The following SCN9A variants were observed in gnomAD, a reference collection of about 807,000 sequenced individuals.
SCN9A encodes sodium channel protein type 9 subunit alpha.
A neutral mutation model predicts 187.0 loss-of-function variants in SCN9A; 131 were observed. The ratio of observed to expected loss-of-function variants is 0.70; its 90% confidence interval spans 0.61 to 0.81. The LOEUF (loss-of-function observed/expected upper bound fraction) is 0.81. Ranked by LOEUF, SCN9A falls within the 30% of genes least tolerant of loss-of-function variation. The pLI is 0.00. For synonymous variants in SCN9A, 809 were observed against 808.6 expected (o/e 1.00, Z -0.01); for missense variants, 2,252 against 2,396.6 (o/e 0.94, Z 1.26).
At chr2:166,209,022 G>A (rs1016912455) in intron 24 of SCN9A, among the ~76,000 whole-genome samples, 3 of 152,156 alleles carry the variant, frequency 2.0e-5, no homozygotes, top group African/African-American at 7.2e-5. Context: ...GCCTCATATG[G>A]AGCACTGAAA....
chr2:166,234,087 A>G (rs541914073), intron 20 of SCN9A, among the ~76,000 whole-genome samples: 5 of 152,174 alleles, frequency 3.3e-5, no homozygotes, highest in African/African-American at 1.2e-4. Context: ...CACAATCAAT[A>G]TAGATATAAT....
At position 166,274,702 on chromosome 2, in the gene SCN9A, GAGTT is replaced by G. The variant is rs200104211; in HGVS notation, c.2875-1831_2875-1828del. Among the ~76,000 whole-genome samples, 1,363 of 152,202 alleles carry G rather than the reference GAGTT, an allele frequency of 9.0e-3. 13 individuals are homozygous for G. The highest frequency in any genetic ancestry group is 0.012 in the Non-Finnish European group (801 of 67,998). On this transcript the variant is annotated intron_variant, in intron 16 of 26. Transcript: ENST00000642356. Reference sequence around the variant, plus strand: ...ATTAATAATTAAAGAATAATAATATGAGTTAGTTAACACTAATTCTACACGAATG... The same window carrying G: ...ATTAATAATTAAAGAATAATAATATGAGTTAACACTAATTCTACACGAATG...
intron 17 of SCN9A, among the ~76,000 whole-genome samples, chr2:166,270,649 G>A (rs117027482): frequency 6.6e-6 from 1 of 151,128 alleles, no homozygotes; most frequent in South Asian, 2.1e-4. Context: ...TTTTGAGACA[G>A]AGTCTCACTC....
intron 1 of SCN9A, among the ~76,000 whole-genome samples, chr2:166,336,514 G>A (rs1486421675): frequency 1.3e-5 from 2 of 152,064 alleles, no homozygotes; most frequent in Admixed American, 1.3e-4. Flanking sequence ...AGTTCCTATA[G>A]GAATGCCCCC....
At chr2:166,299,912 G>T (rs970254786) in intron 7 of SCN9A, among the ~76,000 whole-genome samples, 3 of 150,868 alleles carry the variant, frequency 2.0e-5, no homozygotes, top group Non-Finnish European at 2.9e-5. Flanking sequence ...ATTGCAGCCA[G>T]AAACTGAGAA....
chr2:166,223,539 CAG>C (rs1480042270), intron 24 of SCN9A, among the ~76,000 whole-genome samples: 2 of 152,140 alleles, frequency 1.3e-5, no homozygotes, highest in Non-Finnish European at 2.9e-5. Context: ...CTCATGGAAA[CAG>C]AGAGAAGAAT....
chr2:166,372,492 T>G (rs1355949809), intron 1 of SCN9A, among the ~76,000 whole-genome samples: 1 of 152,214 alleles, frequency 6.6e-6, no homozygotes, highest in African/African-American at 2.4e-5. Flanking sequence ...CATTTTAGAT[T>G]TGGAGTCACT....
chr2:166,344,320 T>C (rs1242146295), intron 1 of SCN9A, among the ~76,000 whole-genome samples: 3 of 152,198 alleles, frequency 2.0e-5, no homozygotes, highest in Non-Finnish European at 4.4e-5. Context: ...TTATTATCTA[T>C]TATTTCATTT....
At position 166,272,390 on chromosome 2, in the gene SCN9A, C is replaced by T. The variant is rs766639308; in HGVS notation, c.3351+9G>A. 16 of 1,481,076 alleles carry T rather than the reference C, an allele frequency of 1.1e-5. 1 individual carries two copies. In the South Asian group the frequency reaches 2.1e-4, roughly 19 times the overall value. 91.7% of individuals were successfully genotyped at this position (1,481,076 alleles called of 1,614,324 possible). On this transcript the variant is annotated intron_variant, in intron 17 of 26. Transcript: ENST00000642356. The stretch of plus-strand genomic sequence containing the variant: ...AATATGAAACACAAAGTATATGAAG[C>T]ATTCTTACCACTTTGCTGTATTCAC...
At chr2:166,344,481 A>T (rs1384863767) in intron 1 of SCN9A, among the ~76,000 whole-genome samples, 1 of 152,170 alleles carries the variant, frequency 6.6e-6, no homozygotes, top group Non-Finnish European at 1.5e-5. Context: ...TTCGCTTAGA[A>T]AATAGTCCTT....
At chr2:166,358,034 T>TTTTATTTA (rs371958712) in intron 1 of SCN9A, among the ~76,000 whole-genome samples, 1,530 of 140,968 alleles carry the variant, frequency 0.011, 22 homozygotes, top group Middle Eastern at 0.021. Context: ...GGAATAAAAC[T>TTTTATTTA]TTTATTTATT....
At chr2:166,286,654 G>A (rs978957929) in intron 10 of SCN9A, 31 bp from the exon 11 acceptor site, 1 of 1,472,290 alleles carries the variant, frequency 6.8e-7, no homozygotes. Context: ...ACACTTAAAT[G>A]AGTCATTTCC....
chr2:166,248,641 A>G (rs1371044489), intron 18 of SCN9A, among the ~76,000 whole-genome samples: 1 of 152,018 alleles, frequency 6.6e-6, no homozygotes, highest in Non-Finnish European at 1.5e-5. Context: ...TCTGATCTAC[A>G]CTTTTTAAAA....
intron 24 of SCN9A, among the ~76,000 whole-genome samples, chr2:166,214,997 A>G (rs890694353): frequency 6.6e-6 from 1 of 152,196 alleles, no homozygotes. Context: ...AACAAAATAC[A>G]TATTCTTCTC....
At chr2:166,349,017 C>A (rs188365371) in intron 1 of SCN9A, among the ~76,000 whole-genome samples, 1 of 146,074 alleles carries the variant, frequency 6.8e-6, no homozygotes, top group Admixed American at 6.9e-5. Flanking sequence ...AATCCCGGCT[C>A]CTCGGAAGGC....
intron 17 of SCN9A, among the ~76,000 whole-genome samples, chr2:166,271,918 T>C (rs73021692): frequency 0.023 from 3,469 of 152,016 alleles, 132 homozygotes; most frequent in African/African-American, 0.079. Context: ...CATGGATACA[T>C]CATGAGAGTG....
At chr2:166,296,762 A>T (rs915482697) in intron 7 of SCN9A, among the ~76,000 whole-genome samples, 12 of 152,322 alleles carry the variant, frequency 7.9e-5, no homozygotes, top group Non-Finnish European at 1.8e-4. Flanking sequence ...TAATTTCTAA[A>T]CAACTAGACA....
chr2:166,261,861 A>C (rs1193473354), intron 17 of SCN9A, among the ~76,000 whole-genome samples: 1 of 151,988 alleles, frequency 6.6e-6, no homozygotes, highest in Non-Finnish European at 1.5e-5. Context: ...TATAATAATA[A>C]ATCAATTCTA....
intron 1 of SCN9A, among the ~76,000 whole-genome samples, chr2:166,367,906 C>CT (rs949556549): frequency 3.3e-5 from 5 of 152,218 alleles, no homozygotes; most frequent in Non-Finnish European, 7.4e-5. Flanking sequence ...ATCCATCTTT[C>CT]TTTTTTTGTT....
Sources: allele counts gnomAD v4.1 joint callset (sites outside exome capture counted in the v4.1 genomes callset), GRCh38; gene constraint gnomAD v4.1.1; transcripts MANE v1.5; gene names NCBI Gene and HGNC (gene_info 2026-07-23, HGNC 2026-07-21).